STXBP5L: variants seen among roughly 807,000 people sequenced by gnomAD.
STXBP5L encodes syntaxin binding protein 5L.
A neutral mutation model predicts 144.5 loss-of-function variants in STXBP5L; 65 were observed. That is an observed-to-expected ratio of 0.45 (90% CI 0.37 to 0.55). The LOEUF (loss-of-function observed/expected upper bound fraction) is 0.55, where lower values mean the gene tolerates loss of function less well. STXBP5L is among the 20% of genes least tolerant of loss of function. The pLI is 0.00. For synonymous variants in STXBP5L, 505 were observed against 469.6 expected (o/e 1.08, Z -0.97); for missense variants, 1,298 against 1,405.5 (o/e 0.92, Z 1.22).
chr3:121,175,132 T>A (rs925383210), intron 9 of STXBP5L, among the ~76,000 whole-genome samples: 1 of 152,022 alleles, frequency 6.6e-6, no homozygotes, highest in East Asian at 1.9e-4. Context: ...CTATATGACA[T>A]GTAACAAGGA....
intron 19 of STXBP5L, among the ~76,000 whole-genome samples, chr3:121,307,002 ATAGT>A (rs928929332): frequency 1.8e-4 from 28 of 152,168 alleles, no homozygotes; most frequent in African/African-American, 6.0e-4. Flanking sequence ...GATGAAGGAG[ATAGT>A]TAAAGAGAAT....
At chr3:121,391,082 C>A (rs552556582) in intron 22 of STXBP5L, among the ~76,000 whole-genome samples, 32 of 152,228 alleles carry the variant, frequency 2.1e-4, no homozygotes, top group Middle Eastern at 3.4e-3. Flanking sequence ...TTATTCATTT[C>A]TTTTTACTTT....
At chr3:121,081,107 A>G (rs1261677328) in intron 5 of STXBP5L, among the ~76,000 whole-genome samples, 2 of 150,994 alleles carry the variant, frequency 1.3e-5, no homozygotes, top group East Asian at 1.9e-4. Flanking sequence ...CTTGTCTCTG[A>G]CCTCTGAAAT....
chr3:121,126,486 T>A (rs2044709132), intron 7 of STXBP5L, among the ~76,000 whole-genome samples: 1 of 152,158 alleles, frequency 6.6e-6, no homozygotes, highest in African/African-American at 2.4e-5. Context: ...TGAATTAAAC[T>A]CTTCCATGCA....
At chr3:120,936,771 G>T (rs952264448) in intron 2 of STXBP5L, among the ~76,000 whole-genome samples, 2 of 151,852 alleles carry the variant, frequency 1.3e-5, no homozygotes, top group African/African-American at 4.8e-5. Context: ...CACCACACCC[G>T]GCTAATTTTT....
chr3:121,362,763 C>T (rs2045749135), intron 20 of STXBP5L, among the ~76,000 whole-genome samples: 1 of 152,044 alleles, frequency 6.6e-6, no homozygotes, highest in Non-Finnish European at 1.5e-5. Context: ...ACAAGACAAA[C>T]TCCCCTTTAC....
At chr3:121,201,621 T>C (rs1375971713) in intron 9 of STXBP5L, among the ~76,000 whole-genome samples, 1 of 152,100 alleles carries the variant, frequency 6.6e-6, no homozygotes, top group East Asian at 1.9e-4. Flanking sequence ...GGTCTTTATA[T>C]TTTTGTATGT....
At chr3:121,077,036 G>A (rs756701008) in intron 5 of STXBP5L, among the ~76,000 whole-genome samples, 1 of 152,164 alleles carries the variant, frequency 6.6e-6, no homozygotes, top group Non-Finnish European at 1.5e-5. Flanking sequence ...TAAGAGGTCT[G>A]TGCCTCCCAG....
intron 1 of STXBP5L, among the ~76,000 whole-genome samples, chr3:120,908,751 C>T (rs1290904970): frequency 2.0e-5 from 3 of 150,116 alleles, no homozygotes; most frequent in African/African-American, 4.9e-5. Context: ...GGAGAGCGGA[C>T]GGCGGGCGGG....
chr3:121,173,798 A>G (rs2046826220), intron 9 of STXBP5L, among the ~76,000 whole-genome samples: 1 of 152,082 alleles, frequency 6.6e-6, no homozygotes, highest in African/African-American at 2.4e-5. Context: ...GCAGCTGCAG[A>G]CCTTGATTTA....
At position 121,330,294 on chromosome 3, in the gene STXBP5L, C is replaced by A. The variant is rs142826945; in HGVS notation, c.2176+11754C>A. Among the ~76,000 whole-genome samples the A allele has an allele frequency of 2.8e-3, 420 of 152,322 alleles. 3 individuals carry two copies. The highest frequency in any genetic ancestry group is 9.1e-3 in the African/African-American group (380 of 41,574). Reference sequence around the variant, plus strand: ...GCTGGATGGGGCTTACTGCTGCCTGCTACTCCCCACTGCCCTAGCAGATTC... The same window carrying A: ...GCTGGATGGGGCTTACTGCTGCCTGATACTCCCCACTGCCCTAGCAGATTC... On this transcript the variant is annotated intron_variant, in intron 20 of 26. Coordinates refer to ENST00000471454, the MANE Select transcript of STXBP5L (RefSeq NM_001308330.2).
intron 3 of STXBP5L, among the ~76,000 whole-genome samples, chr3:120,981,867 T>G (rs1941809940): frequency 6.6e-6 from 1 of 152,202 alleles, no homozygotes; most frequent in Admixed American, 6.5e-5. Flanking sequence ...GAAGGTATGA[T>G]TGTCCTGTAT....
chr3:120,911,014 T>G (rs929627881), intron 2 of STXBP5L, among the ~76,000 whole-genome samples: 1 of 152,164 alleles, frequency 6.6e-6, no homozygotes, highest in African/African-American at 2.4e-5. Flanking sequence ...AAATTTGAAC[T>G]GCTAGGCAGG....
chr3:121,093,869 G>T (rs896992237), intron 5 of STXBP5L, among the ~76,000 whole-genome samples: 2 of 152,106 alleles, frequency 1.3e-5, no homozygotes, highest in Non-Finnish European at 2.9e-5. Context: ...ATGTTAGGGT[G>T]TCAATTTTGG....
chr3:121,065,094 G>A (rs529310036), intron 5 of STXBP5L, among the ~76,000 whole-genome samples: 1 of 151,588 alleles, frequency 6.6e-6, no homozygotes, highest in African/African-American at 2.4e-5. Context: ...TGGCTGCATA[G>A]TATTCTATGG....
intron 10 of STXBP5L, among the ~76,000 whole-genome samples, chr3:121,214,441 A>G (rs887467051): frequency 2.0e-5 from 3 of 152,070 alleles, no homozygotes; most frequent in African/African-American, 4.8e-5. Flanking sequence ...GAAATTATTT[A>G]TTTCTGCCTT....
chr3:120,940,416 G>A (rs927676854), intron 2 of STXBP5L, among the ~76,000 whole-genome samples: 3 of 151,952 alleles, frequency 2.0e-5, no homozygotes, highest in African/African-American at 4.8e-5. Flanking sequence ...TAAGAGTCTA[G>A]AAGAGTATGA....
At chr3:120,951,231 A>G (rs1013939879) in intron 2 of STXBP5L, among the ~76,000 whole-genome samples, 5 of 152,226 alleles carry the variant, frequency 3.3e-5, no homozygotes, top group African/African-American at 1.2e-4. Flanking sequence ...ACCATTCAGG[A>G]CATAGGCACG....
At chr3:121,211,893 T>A (rs2048585973) in intron 10 of STXBP5L, among the ~76,000 whole-genome samples, 1 of 152,166 alleles carries the variant, frequency 6.6e-6, no homozygotes, top group African/African-American at 2.4e-5. Context: ...TCCTGACTTT[T>A]TAAGGATCGC....
Sources: allele counts gnomAD v4.1 joint callset (sites outside exome capture counted in the v4.1 genomes callset), GRCh38; gene constraint gnomAD v4.1.1; transcripts MANE v1.5; gene names NCBI Gene and HGNC (gene_info 2026-07-23, HGNC 2026-07-21).